The following AMBRA1 variants were observed in gnomAD, a reference collection of about 807,000 sequenced individuals.
AMBRA1 encodes the protein autophagy and beclin 1 regulator 1.
In AMBRA1, 47 loss-of-function variants were observed where a neutral mutation model predicts 125.4. The ratio of observed to expected loss-of-function variants is 0.37; its 90% CI spans 0.30 to 0.48. AMBRA1 has a LOEUF of 0.48. AMBRA1 is among the 20% of genes least tolerant of loss of function. The pLI is 0.99. For synonymous variants in AMBRA1, 626 were observed against 655.5 expected (o/e 0.95, Z 0.69); for missense variants, 1,331 against 1,693.4 (o/e 0.79, Z 3.76).
At chr11:46,513,023 C>T (rs759988473) in intron 7 of AMBRA1, among the ~76,000 whole-genome samples, 5 of 152,216 alleles carry the variant, frequency 3.3e-5, no homozygotes, top group African/African-American at 4.8e-5. Flanking sequence ...ATGACCACTG[C>T]ATTCTGCTGA....
intron 17 of AMBRA1, among the ~76,000 whole-genome samples, chr11:46,407,826 T>A (rs563653591): frequency 2.0e-4 from 31 of 152,170 alleles, no homozygotes; most frequent in African/African-American, 7.2e-4. Flanking sequence ...CTGCTTTGTT[T>A]GGAGCTAGGA....
intron 15 of AMBRA1, 104 bp from the exon 16 acceptor site, chr11:46,410,472 C>T (rs551073733): frequency 1.0e-6 from 1 of 972,360 alleles, no homozygotes; most frequent in Admixed American, 1.9e-5. Flanking sequence ...GCTGCCCATC[C>T]TTTCTCTCTC....
intron 11 of AMBRA1, among the ~76,000 whole-genome samples, chr11:46,475,677 C>G (rs1463204301): frequency 6.6e-6 from 1 of 152,204 alleles, no homozygotes; most frequent in Non-Finnish European, 1.5e-5. Flanking sequence ...ATGCTCCCCA[C>G]ACAAAAGTTA....
In AMBRA1 at chr11:46,472,814, G is replaced by A. The variant is rs545305577; in HGVS notation, c.2521+20794C>T. ...TTCGGAACTATGTCACTGAGTCACT[G>A]AGCAGAGCTGTTCTCCCTGCCCTGT... On this transcript the variant is annotated intron_variant, in intron 11 of 17. Transcript: ENST00000683756. Among the ~76,000 whole-genome samples, 3 of 152,266 alleles carry A rather than the reference G, an allele frequency of 2.0e-5. No homozygotes were observed. In the South Asian group the frequency reaches 6.2e-4, roughly 32 times the overall value.
intron 1 of AMBRA1, among the ~76,000 whole-genome samples, chr11:46,590,974 T>C (rs55737385): frequency 0.02 from 2,975 of 151,794 alleles, 43 homozygotes; most frequent in Non-Finnish European, 0.033. Flanking sequence ...TCACAAAGCA[T>C]GAGATAAGTT....
intron 11 of AMBRA1, among the ~76,000 whole-genome samples, chr11:46,470,760 C>T (rs1311135123): frequency 6.6e-6 from 1 of 151,714 alleles, no homozygotes; most frequent in Non-Finnish European, 1.5e-5. Context: ...GAGACTGTCT[C>T]AAAAAAATAA....
chr11:46,494,826 G>A (rs1459972372), intron 9 of AMBRA1: 6 of 152,404 alleles, frequency 3.9e-5, no homozygotes, highest in Non-Finnish European at 7.3e-5. Flanking sequence ...TGAATACAAA[G>A]TCTGGGTGTT....
At chr11:46,493,830 T>G in intron 10 of AMBRA1, 122 bp from the exon 11 acceptor site, 1 of 745,810 alleles carries the variant, frequency 1.3e-6, no homozygotes, top group Non-Finnish European at 2.1e-6. Context: ...CAGAAAGAAA[T>G]AAAATCTCCC....
intron 9 of AMBRA1, among the ~76,000 whole-genome samples, chr11:46,501,727 T>C (rs1393484018): frequency 6.6e-6 from 1 of 152,232 alleles, no homozygotes; most frequent in Non-Finnish European, 1.5e-5. Flanking sequence ...TTTTTATTAA[T>C]CTTTTAGATG....
intron 1 of AMBRA1, among the ~76,000 whole-genome samples, chr11:46,556,743 T>C (rs1210265706): frequency 1.3e-5 from 2 of 152,208 alleles, no homozygotes. Flanking sequence ...ATTGATAGTA[T>C]GTATATCACA....
chr11:46,543,365 T>C lies in AMBRA1; in HGVS notation c.652A>G (p.Thr218Ala). 1 of 1,613,992 alleles carries C rather than the reference T, an allele frequency of 6.2e-7. No individual in the cohort carries two copies. Among genetic ancestry groups the C allele is most frequent in the Non-Finnish European group, 8.5e-7 (1 of 1,179,964 alleles). Residue 218 changes from threonine (T) to alanine (A), a missense_variant, in exon 7 of 18, where the codon ACA becomes GCA. Physicochemically the swap from Thr to Ala is moderately conservative, Grantham distance 58. Transcript: ENST00000683756. The stretch of plus-strand genomic sequence containing the variant: ...CGCTGACGGTAGTGGGATAATTCTG[T>C]TCCATCTATGGGGATCTCTGGTTCG... ...DDEPEIPIDG[T>A]ELSHYRQRAL... is the part of the protein sequence containing the mutation.
intron 1 of AMBRA1, among the ~76,000 whole-genome samples, chr11:46,588,685 G>A (rs2044487054): frequency 6.7e-6 from 1 of 150,088 alleles, no homozygotes; most frequent in African/African-American, 2.5e-5. Flanking sequence ...TGAGGCAGGA[G>A]AATCGCTTGA....
At chr11:46,577,909 C>T (rs1411781597) in intron 1 of AMBRA1, among the ~76,000 whole-genome samples, 1 of 152,076 alleles carries the variant, frequency 6.6e-6, no homozygotes, top group African/African-American at 2.4e-5. Flanking sequence ...GATATAGCAC[C>T]ACTGCACTCC....
chr11:46,585,713 T>A (rs1278061450), intron 1 of AMBRA1, among the ~76,000 whole-genome samples: 23 of 94,282 alleles, frequency 2.4e-4, no homozygotes, highest in African/African-American at 6.5e-4. Flanking sequence ...TATATATATA[T>A]ATATATATAT....
At chr11:46,427,384 A>T (rs1294673760) in intron 14 of AMBRA1, among the ~76,000 whole-genome samples, 3 of 152,244 alleles carry the variant, frequency 2.0e-5, no homozygotes, top group Admixed American at 1.3e-4. Flanking sequence ...TATAAAAGAA[A>T]GCAAGCAATC....
chr11:46,453,312 C>T (rs1948706150), intron 11 of AMBRA1, among the ~76,000 whole-genome samples: 1 of 151,808 alleles, frequency 6.6e-6, no homozygotes, highest in Non-Finnish European at 1.5e-5. Flanking sequence ...ATCACCCAGG[C>T]TGGAATGTAG....
intron 11 of AMBRA1, among the ~76,000 whole-genome samples, chr11:46,469,099 C>T (rs539148460): frequency 3.3e-5 from 5 of 152,204 alleles, no homozygotes; most frequent in African/African-American, 9.6e-5. Context: ...GCCGAAATCA[C>T]GCCACTGAAC....
intron 1 of AMBRA1, among the ~76,000 whole-genome samples, chr11:46,588,605 G>A (rs140927539): frequency 0.022 from 3,361 of 150,814 alleles, 122 homozygotes; most frequent in African/African-American, 0.078. Context: ...GTGAAAACCC[G>A]TCTCTACTAA....
rs796968025 is a variant in AMBRA1 at position 46,445,922 on chromosome 11, C to T, written c.2522-2324G>A. Among the ~76,000 whole-genome samples, 4 of 152,272 alleles carry T rather than the reference C, an allele frequency of 2.6e-5. No homozygotes were observed. In the South Asian group the frequency reaches 8.3e-4, roughly 32 times the overall value. On this transcript the variant is annotated intron_variant, in intron 11 of 17. Coordinates refer to ENST00000683756, the MANE Select transcript of AMBRA1 (RefSeq NM_001387011.1). ...CTTATTCTGGGGGAAGGGATAAGAA[C>T]TACAAACAGGAAAACAGTTAAGGAA...
Sources: gnomAD v4.1 joint callset for allele counts (sites outside exome capture counted in the v4.1 genomes callset) on GRCh38, gnomAD v4.1.1 for gene constraint, MANE v1.5 for transcripts, NCBI Gene and HGNC (gene_info 2026-07-23, HGNC 2026-07-21) for gene names.